Variants in MAP2K5 observed in about 807,000 individuals in gnomAD.
MAP2K5 encodes the protein dual specificity mitogen-activated protein kinase kinase 5.
In MAP2K5, 49 loss-of-function variants were observed where a neutral mutation model predicts 83.1. That is an observed-to-expected ratio of 0.59 (90% CI 0.47 to 0.75). The LOEUF is 0.75. Ranked by LOEUF, MAP2K5 falls within the 30% of genes least tolerant of loss-of-function variation. MAP2K5 has a pLI of 0.00. For synonymous variants in MAP2K5, 202 were observed against 191.8 expected (o/e 1.05, Z -0.44); for missense variants, 457 against 557.5 (o/e 0.82, Z 1.82).
chr15:67,650,721 G>A (rs182819642), intron 11 of MAP2K5, among the ~76,000 whole-genome samples: 1 of 151,786 alleles, frequency 6.6e-6, no homozygotes, highest in South Asian at 2.1e-4. Context: ...ATGTTCCTGG[G>A]TTCAGTTTGC....
chr15:67,606,316 C>T (rs141271055), intron 8 of MAP2K5, among the ~76,000 whole-genome samples: 2 of 152,268 alleles, frequency 1.3e-5, no homozygotes, highest in East Asian at 3.9e-4. Context: ...AATCTAGTCT[C>T]AAGATGTTTG....
intron 19 of MAP2K5, among the ~76,000 whole-genome samples, chr15:67,766,687 A>G (rs1413089543): frequency 6.6e-6 from 1 of 152,230 alleles, no homozygotes; most frequent in East Asian, 1.9e-4. Flanking sequence ...CATCCTGATC[A>G]AAACTAACTT....
rs2090400543 is a variant in MAP2K5, at chr15:67,785,504, A to G, written c.1242+12752A>G. 6.6e-6 allele frequency among the ~76,000 whole-genome samples: 1 copy of G among 152,184 alleles called. No individual in the cohort carries two copies. The highest frequency in any genetic ancestry group is 2.4e-5 in the African/African-American group (1 of 41,446). On this transcript the variant is annotated intron_variant, in intron 21 of 21. Transcript: ENST00000178640. The surrounding 1 kb of genome is among the most constrained non-coding windows in gnomAD (Gnocchi z 4.4). ...ATCAGACACTAATCCAGCAAACACA[A>G]ATCCATCATACATGCAAACAAAGTA...
At chr15:67,670,524 G>A in intron 13 of MAP2K5, 1 of 451,594 alleles carries the variant, frequency 2.2e-6, no homozygotes, top group South Asian at 1.6e-5. Context: ...CAGATTTACA[G>A]AGAAAAGCTC....
intron 17 of MAP2K5, among the ~76,000 whole-genome samples, chr15:67,735,849 C>T (rs1461242728): frequency 2.0e-5 from 3 of 152,120 alleles, no homozygotes; most frequent in East Asian, 1.9e-4. Flanking sequence ...CTGGCTTTCA[C>T]GTGGCAGCTT....
chr15:67,805,564 G>T (rs1240678075), intron 21 of MAP2K5, among the ~76,000 whole-genome samples: 2 of 151,594 alleles, frequency 1.3e-5, no homozygotes, highest in African/African-American at 4.9e-5. Flanking sequence ...GTGGAGGACA[G>T]GCCCAAGAGG....
chr15:67,753,232 C>A (rs765359817), intron 19 of MAP2K5, among the ~76,000 whole-genome samples: 2 of 151,956 alleles, frequency 1.3e-5, no homozygotes, highest in Non-Finnish European at 2.9e-5. Context: ...AGAGTAAAAA[C>A]TACAAAATTC....
intron 17 of MAP2K5, among the ~76,000 whole-genome samples, chr15:67,744,976 G>A (rs992468610): frequency 1.6e-4 from 25 of 152,018 alleles, no homozygotes; most frequent in African/African-American, 4.8e-4. Context: ...AGAATGAGAC[G>A]TAACTATCCC....
At chr15:67,669,346 G>A (rs978697594) in intron 13 of MAP2K5, among the ~76,000 whole-genome samples, 2 of 152,112 alleles carry the variant, frequency 1.3e-5, no homozygotes, top group Admixed American at 6.6e-5. Flanking sequence ...ATTGAGGTTA[G>A]GGGAAGCAAA....
intron 8 of MAP2K5, among the ~76,000 whole-genome samples, chr15:67,613,573 T>C (rs2085982764): frequency 6.6e-6 from 1 of 152,194 alleles, no homozygotes; most frequent in Admixed American, 6.5e-5. Context: ...ACCATCAGCT[T>C]TGAATTTATA....
chr15:67,701,034 G>T (rs938143695), intron 15 of MAP2K5, among the ~76,000 whole-genome samples: 1 of 151,740 alleles, frequency 6.6e-6, no homozygotes, highest in Non-Finnish European at 1.5e-5. Flanking sequence ...CCTCCTTTTT[G>T]ATCCTGCCCA....
chr15:67,761,925 G>A (rs1480728631), intron 19 of MAP2K5, among the ~76,000 whole-genome samples: 1 of 152,318 alleles, frequency 6.6e-6, no homozygotes, highest in African/African-American at 2.4e-5. Flanking sequence ...GATCAAACAT[G>A]TATAGCTGGA....
At chr15:67,608,285 G>A (rs1319458236) in intron 8 of MAP2K5, among the ~76,000 whole-genome samples, 1 of 152,150 alleles carries the variant, frequency 6.6e-6, no homozygotes, top group African/African-American at 2.4e-5. Context: ...CATATGGACA[G>A]TTCAGAGAGC....
intron 2 of MAP2K5, among the ~76,000 whole-genome samples, chr15:67,550,857 T>C (rs2084495364): frequency 1.3e-5 from 2 of 151,948 alleles, no homozygotes; most frequent in African/African-American, 4.8e-5. Flanking sequence ...CTGCAACCTC[T>C]GCCTCCTGGG....
rs539418897 is a variant in MAP2K5 at position 67,568,740 on chromosome 15, C to T, written c.252+5390C>T. Among the ~76,000 whole-genome samples, 8 of 152,174 alleles carry T rather than the reference C, an allele frequency of 5.3e-5. No homozygotes were observed. The East Asian group carries it at 1.3e-3, about 26-fold the overall frequency. On this transcript the variant is annotated intron_variant, in intron 3 of 21. Coordinates refer to ENST00000178640, the MANE Select transcript of MAP2K5 (RefSeq NM_145160.3). ...ATACTCTGTTGGCTGGGCGCGGTGG[C>T]TCACTCCTGTAATCCCAGCACTTTG...
At position 67,613,101 on chromosome 15, in the gene MAP2K5, T is replaced by C. The variant is rs1011472688; in HGVS notation, c.545+12352T>C. On this transcript the variant is annotated intron_variant, in intron 8 of 21. Coordinates refer to ENST00000178640, the MANE Select transcript of MAP2K5 (RefSeq NM_145160.3). ...TTTCAGGCTTCAGTATACCAATCAA[T>C]AGGTGATTGAAACTGATTAAAACTT... 3.9e-5 allele frequency among the ~76,000 whole-genome samples: 6 copies of C among 152,318 alleles called. No individual in the cohort carries two copies. In the South Asian group the frequency reaches 1.2e-3, roughly 32 times the overall value.
At chr15:67,787,936 A>T (rs112522094) in intron 21 of MAP2K5, among the ~76,000 whole-genome samples, 21 of 152,350 alleles carry the variant, frequency 1.4e-4, no homozygotes, top group African/African-American at 5.1e-4. Context: ...ATGTTACTGC[A>T]GTCTATTACC....
chr15:67,545,376 A>G (rs2084370138), intron 1 of MAP2K5, among the ~76,000 whole-genome samples: 1 of 152,220 alleles, frequency 6.6e-6, no homozygotes. Context: ...GATGCATGCA[A>G]TTATGGTTCT....
At position 67,802,576 on chromosome 15, in the gene MAP2K5, A is replaced by G. The variant is rs1160649044; in HGVS notation, c.1243-4070A>G. Reference sequence around the variant, plus strand: ...AATCCAGGGAATGAGAGTGGCTCTCACTGCCTGGTGATGAGGCCAGCAAGA... The same window carrying G: ...AATCCAGGGAATGAGAGTGGCTCTCGCTGCCTGGTGATGAGGCCAGCAAGA... On this transcript the variant is annotated intron_variant, in intron 21 of 21. Coordinates refer to ENST00000178640, the MANE Select transcript of MAP2K5 (RefSeq NM_145160.3). The surrounding 1 kb of genome is among the most constrained non-coding windows in gnomAD (Gnocchi z 5.0). 6.6e-6 allele frequency among the ~76,000 whole-genome samples: 1 copy of G among 152,186 alleles called. No homozygotes were observed. Among genetic ancestry groups the G allele is most frequent in the East Asian group, 1.9e-4 (1 of 5,198 alleles).
Sources: allele counts gnomAD v4.1 joint callset (sites outside exome capture counted in the v4.1 genomes callset), GRCh38; gene constraint gnomAD v4.1.1; non-coding constraint Gnocchi (gnomAD v3.1); transcripts MANE v1.5; gene names NCBI Gene and HGNC (gene_info 2026-07-23, HGNC 2026-07-21).